Variants in EHMT1 observed in about 807,000 individuals in gnomAD.
EHMT1 encodes the protein histone-lysine N-methyltransferase EHMT1.
In EHMT1, 15 loss-of-function variants were observed where a neutral mutation model predicts 147.2. That is an observed-to-expected ratio of 0.10 (90% CI 0.07 to 0.16). The LOEUF is 0.16. EHMT1 is among the 10% of genes least tolerant of loss of function. EHMT1 has a pLI of 1.00. For missense variants in EHMT1, 1,587 were observed against 1,772.4 expected, an observed-to-expected ratio of 0.90 and a Z score of 1.88; for synonymous variants, 795 against 709.6, an observed-to-expected ratio of 1.12 and a Z score of -1.91.
At chr9:137,802,489 G>A (rs1378240459) in intron 18 of EHMT1, 2 of 398,526 alleles carry the variant, frequency 5.0e-6, no homozygotes, top group Non-Finnish European at 8.8e-6. Context: ...ATTTGACACA[G>A]AAAAAGAAGA....
At chr9:137,687,449 G>T (rs1214690903) in intron 1 of EHMT1, among the ~76,000 whole-genome samples, 1 of 152,162 alleles carries the variant, frequency 6.6e-6, no homozygotes, top group East Asian at 1.9e-4. Context: ...TTGAGGTAGA[G>T]AGTTGAGGTA....
chr9:137,655,441 G>T (rs1938340092), intron 1 of EHMT1, among the ~76,000 whole-genome samples: 1 of 152,232 alleles, frequency 6.6e-6, no homozygotes, highest in African/African-American at 2.4e-5. Flanking sequence ...TCTTACCTAT[G>T]GAGTTTTCCT....
At chr9:137,723,605 T>C (rs1197670166) in intron 3 of EHMT1, among the ~76,000 whole-genome samples, 2 of 151,858 alleles carry the variant, frequency 1.3e-5, no homozygotes, top group Admixed American at 1.3e-4. Context: ...TCTGTGTCTG[T>C]GGTTCTGGGC....
chr9:137,700,477 A>C (rs1943741933), intron 1 of EHMT1, among the ~76,000 whole-genome samples: 2 of 152,224 alleles, frequency 1.3e-5, no homozygotes, highest in South Asian at 4.1e-4. Flanking sequence ...TAAAGTGGGC[A>C]TTCGGAAGAA....
intron 22 of EHMT1, 92 bp downstream of exon 22, chr9:137,814,600 G>T: frequency 6.9e-7 from 1 of 1,456,980 alleles, no homozygotes; most frequent in Non-Finnish European, 9.5e-7. Context: ...CCCCAGCGCT[G>T]TCGTGGCAGC....
chr9:137,664,072 A>G (rs1939368757), intron 1 of EHMT1, among the ~76,000 whole-genome samples: 1 of 152,042 alleles, frequency 6.6e-6, no homozygotes, highest in Admixed American at 6.6e-5. Flanking sequence ...AGAGGTATGT[A>G]CTTTTTTTGT....
chr9:137,754,345 G>A, intron 8 of EHMT1, 54 bp downstream of exon 8: 1 of 1,607,682 alleles, frequency 6.2e-7, no homozygotes, highest in Non-Finnish European at 8.5e-7. Context: ...AGGGGATGGT[G>A]CCAGGAGGCC....
At chr9:137,683,253 CAA>C (rs952615092) in intron 1 of EHMT1, among the ~76,000 whole-genome samples, 19 of 152,204 alleles carry the variant, frequency 1.2e-4, no homozygotes, top group African/African-American at 3.9e-4. Flanking sequence ...CATTTGTAGA[CAA>C]GAGATCAGAG....
chr9:137,780,234 C>T (rs1484294309), intron 14 of EHMT1, among the ~76,000 whole-genome samples: 49 of 109,142 alleles, frequency 4.5e-4, no homozygotes, highest in African/African-American at 1.4e-3. Context: ...GATGTGATGA[C>T]GCTGGGATGT....
intron 1 of EHMT1, among the ~76,000 whole-genome samples, chr9:137,689,311 C>G (rs764404998): frequency 2.0e-5 from 3 of 152,100 alleles, no homozygotes; most frequent in Admixed American, 6.5e-5. Context: ...TGTGCGTGTT[C>G]ATAGATAATT....
At chr9:137,649,392 G>A (rs182794700) in intron 1 of EHMT1, among the ~76,000 whole-genome samples, 2 of 152,058 alleles carry the variant, frequency 1.3e-5, no homozygotes, top group Non-Finnish European at 2.9e-5. Flanking sequence ...CCTGGGAGGC[G>A]GAGGTGGCAG....
At chr9:137,771,094 A>T (rs143235985) in intron 10 of EHMT1, among the ~76,000 whole-genome samples, 1 of 151,806 alleles carries the variant, frequency 6.6e-6, no homozygotes, top group East Asian at 1.9e-4. Context: ...CATTGCTCAG[A>T]AGATAACTAT....
rs564698985 is a variant in EHMT1 at position 137,816,046 on chromosome 9, G to A, written c.3358G>A (p.Val1120Ile). 32 of 1,612,052 alleles carry A rather than the reference G, an allele frequency of 2.0e-5. No individual in the cohort carries two copies. In the Admixed American group the frequency reaches 3.0e-4, roughly 15 times the overall value. ...SCWRNCRNRV[V>I]QNGLRARLQL... The stretch of plus-strand genomic sequence containing the variant: ...CTGGAGGAACTGCCGAAATCGCGTC[G>A]TACAGAATGGTCTCAGGTGAGAGGC... The change falls in exon 23 of 27, where the codon GTA becomes ATA. Residue 1120 changes from valine to isoleucine, a missense_variant. Val to Ile is a conservative substitution (Grantham distance 29). Transcript: ENST00000460843.
intron 1 of EHMT1, chr9:137,646,261 A>G: frequency 1.0e-5 from 9 of 865,432 alleles, no homozygotes; most frequent in Non-Finnish European, 1.1e-5. Flanking sequence ...TGCCTGGCCT[A>G]TTTTTACTTT....
At chr9:137,772,745 G>A (rs536970962) in intron 10 of EHMT1, among the ~76,000 whole-genome samples, 1 of 152,210 alleles carries the variant, frequency 6.6e-6, no homozygotes, top group Admixed American at 6.5e-5. Flanking sequence ...GTCAGCAGTC[G>A]GTGAATCTGT....
In EHMT1 at chr9:137,835,087, A is replaced by AG; in HGVS notation, c.*136dup. 9.1e-7 allele frequency: 1 copy of AG among 1,104,566 alleles called. No homozygotes were observed. The highest frequency in any genetic ancestry group is 1.2e-6 in the Non-Finnish European group (1 of 844,874). 68.4% of individuals were successfully genotyped at this position (1,104,566 alleles called of 1,614,324 possible). On this transcript the variant is annotated 3_prime_UTR_variant, in exon 27 of 27. Coordinates refer to ENST00000460843, the MANE Select transcript of EHMT1 (RefSeq NM_024757.5). ...GCCGCCGGCTTCCTGGAGGGGTCGG[A>AG]GGTGAGGCTGCAGCCCCTGCGGGCG...
At chr9:137,633,358 A>G (rs965743870) in intron 1 of EHMT1, among the ~76,000 whole-genome samples, 1 of 152,032 alleles carries the variant, frequency 6.6e-6, no homozygotes, top group Non-Finnish European at 1.5e-5. Flanking sequence ...GATTAGAAGA[A>G]CAGAATTTTT....
In EHMT1 at chr9:137,811,550, C is replaced by T. The variant is rs142883326; in HGVS notation, c.2802C>T (p.Ala934=). 3.4e-5 allele frequency: 54 copies of T among 1,609,088 alleles called. No individual in the cohort carries two copies. Among genetic ancestry groups the T allele is most frequent in the Non-Finnish European group, 4.1e-5 (48 of 1,180,016 alleles). ...ILLAAKCDLH[A]VNIHGDSPLH... ...TGGCTGCCAAGTGCGACCTCCACGC[C>T]GTGAACATCCACGGAGACTCGCCAC... The change falls in exon 19 of 27, where the codon GCC becomes GCT. Residue 934 remains alanine (A), a synonymous_variant. Coordinates refer to ENST00000460843, the MANE Select transcript of EHMT1 (RefSeq NM_024757.5).
rs759328459 is a variant in EHMT1, at chr9:137,757,875, C to A, written c.1370-5C>A. 3 of 1,613,636 alleles carry A rather than the reference C, an allele frequency of 1.9e-6. No individual in the cohort carries two copies. The highest frequency in any genetic ancestry group is 2.5e-6 in the Non-Finnish European group (3 of 1,179,998). The stretch of plus-strand genomic sequence containing the variant: ...GTGTCTGATGTGTGTGCCTTTCATA[C>A]CTAGGTTCTGAGTCGTATAAGTCAT... On this transcript the variant is annotated splice_region_variant and splice_polypyrimidine_tract_variant and intron_variant, in intron 8 of 26. Transcript: ENST00000460843.
Sources: gnomAD v4.1 joint callset for allele counts (sites outside exome capture counted in the v4.1 genomes callset) on GRCh38, gnomAD v4.1.1 for gene constraint, MANE v1.5 for transcripts, NCBI Gene and HGNC (gene_info 2026-07-23, HGNC 2026-07-21) for gene names.